MTMR3: variants seen among roughly 807,000 people sequenced by gnomAD.
MTMR3 encodes myotubularin related protein 3, also known as phosphatidylinositol-3,5-bisphosphate 3-phosphatase MTMR3.
In MTMR3, 32 loss-of-function variants were observed where a neutral mutation model predicts 132.4. The ratio of observed to expected loss-of-function variants is 0.24; its 90% CI spans 0.18 to 0.32. MTMR3 has a LOEUF of 0.32. Ranked by LOEUF, MTMR3 falls within the 10% of genes least tolerant of loss-of-function variation. The pLI is 1.00. For synonymous variants in MTMR3, 556 were observed against 550.3 expected (o/e 1.01, Z -0.14); for missense variants, 1,216 against 1,489.6 (o/e 0.82, Z 3.02).
chr22:29,940,443 C>T (rs961753755), intron 1 of MTMR3, among the ~76,000 whole-genome samples: 2 of 147,064 alleles, frequency 1.4e-5, no homozygotes, highest in Admixed American at 6.6e-5. Context: ...AGCCCGCCTG[C>T]ACCCAGGTGA....
chr22:30,019,233 C>T (rs2067684718), intron 16 of MTMR3: 3 of 412,742 alleles, frequency 7.3e-6, no homozygotes, highest in South Asian at 1.0e-4. Flanking sequence ...ATAGCACTTG[C>T]TGTTAGCTCA....
At chr22:30,016,820 T>C in intron 15 of MTMR3, 122 bp downstream of exon 15, 1 of 1,172,916 alleles carries the variant, frequency 8.5e-7, no homozygotes, top group Admixed American at 2.4e-5. Context: ...CTGGATGGAC[T>C]GGTTCCATTT....
intron 2 of MTMR3, among the ~76,000 whole-genome samples, chr22:29,963,200 A>G (rs2066348031): frequency 6.6e-6 from 1 of 151,808 alleles, no homozygotes; most frequent in Non-Finnish European, 1.5e-5. Flanking sequence ...ACCTCCCTGG[A>G]CTTCCCAAAG....
At chr22:30,021,837 C>T (rs185957560) in intron 17 of MTMR3, 192 bp from the exon 18 acceptor site, 10 of 593,058 alleles carry the variant, frequency 1.7e-5, no homozygotes, top group South Asian at 1.6e-4. Flanking sequence ...CTGTGTATCC[C>T]TCTCCCAGCT....
At chr22:29,883,513 G>C (rs1341685212) in intron 1 of MTMR3, among the ~76,000 whole-genome samples, 154 bp downstream of exon 1, 1 of 152,134 alleles carries the variant, frequency 6.6e-6, no homozygotes, top group African/African-American at 2.4e-5. Context: ...GCCCGGGGAG[G>C]GGCGTCCCCG....
At chr22:29,919,330 G>A (rs139159138) in intron 1 of MTMR3, among the ~76,000 whole-genome samples, 4 of 152,000 alleles carry the variant, frequency 2.6e-5, no homozygotes, top group African/African-American at 9.7e-5. Flanking sequence ...GTCTTACCAT[G>A]GATTTCTCAC....
chr22:29,985,907 G>T (rs1421629833), intron 5 of MTMR3: 2 of 152,174 alleles, frequency 1.3e-5, no homozygotes, highest in East Asian at 3.8e-4. Flanking sequence ...TTTGGGCACG[G>T]GCCATTGGGC....
intron 8 of MTMR3, chr22:30,000,485 A>T (rs5752995): frequency 0.38 from 55,177 of 146,062 alleles, 10,319 homozygotes; most frequent in South Asian, 0.58. Flanking sequence ...ATAAAAAAAA[A>T]AAATATATAT....
At chr22:29,906,278 GTCTGTCTGTCTA>G (rs1181537348) in intron 1 of MTMR3, among the ~76,000 whole-genome samples, 10,689 of 66,988 alleles carry the variant, frequency 0.16, 413 homozygotes, top group South Asian at 0.2. Context: ...CTGTCTGTCT[GTCTGTCTGTCTA>G]TCTATCTATC....
rs887823551 is a variant in MTMR3 at position 29,976,945 on chromosome 22, ATAATTCT to A, written c.4-1492_4-1486del. 3.3e-5 allele frequency among the ~76,000 whole-genome samples: 5 copies of A among 152,330 alleles called. No individual in the cohort carries two copies. The South Asian group carries it at 1.0e-3, about 32-fold the overall frequency. On this transcript the variant is annotated intron_variant, in intron 3 of 19. Coordinates refer to ENST00000401950, the MANE Select transcript of MTMR3 (RefSeq NM_021090.4). ...CAGAAGCAACCAGTAACCACTGGTTATAATTCTTAATGCTGTCAGTTGAACATGATGT... is the reference window on the plus strand; with the variant it reads ...CAGAAGCAACCAGTAACCACTGGTTATAATGCTGTCAGTTGAACATGATGT...
intron 1 of MTMR3, among the ~76,000 whole-genome samples, chr22:29,907,739 CCT>C (rs2145739808): frequency 6.6e-6 from 1 of 152,244 alleles, no homozygotes; most frequent in Admixed American, 6.5e-5. Flanking sequence ...TTATTCATTC[CCT>C]CTCTTACTAA....
chr22:29,986,428 A>G lies in MTMR3; in HGVS notation c.211-2052A>G, dbSNP rs116274225. 744 of 397,738 alleles carry G rather than the reference A, an allele frequency of 1.9e-3. 6 individuals are homozygous for G. Among genetic ancestry groups the G allele is most frequent in the African/African-American group, 0.015 (699 of 45,892 alleles). The allele number at this position is 397,738 out of a possible 1,614,324, so 24.6% of individuals were successfully genotyped here. On this transcript the variant is annotated intron_variant, in intron 5 of 19. Transcript: ENST00000401950. Reference sequence around the variant, plus strand: ...ACTGGCCTGAGAACAAAGCAAAGTTATCTTCTAATCTGTCTTCTTAATCTC... The same window carrying G: ...ACTGGCCTGAGAACAAAGCAAAGTTGTCTTCTAATCTGTCTTCTTAATCTC...
Position 30,017,787 on chromosome 22 carries a change from C to T in MTMR3, c.1675-140C>T. 3 of 1,018,372 alleles carry T rather than the reference C, an allele frequency of 2.9e-6. No homozygotes were observed. In the South Asian group the frequency reaches 4.3e-5, roughly 15 times the overall value. The allele number at this position is 1,018,372 out of a possible 1,614,324, so 63.1% of individuals were successfully genotyped here. A position where few individuals can be genotyped will look rare whatever the true frequency, so the allele number is the denominator to read the frequency against. The stretch of plus-strand genomic sequence containing the variant: ...TGGTCCTCTTGGGATAGACCTGTAT[C>T]CATTGGTGCTGCTTCTTTGTGGAGA... On this transcript the variant is annotated intron_variant, in intron 15 of 19. Transcript: ENST00000401950.
intron 5 of MTMR3, 51 bp from the exon 6 acceptor site, chr22:29,988,429 C>T (rs774118557): frequency 1.0e-5 from 14 of 1,404,000 alleles, no homozygotes; most frequent in Non-Finnish European, 1.2e-5. Context: ...TGAAGAACTC[C>T]AGGGTCAATG....
intron 2 of MTMR3, among the ~76,000 whole-genome samples, chr22:29,957,456 TATTG>T (rs1329539972): frequency 7.5e-6 from 1 of 134,042 alleles, no homozygotes; most frequent in Non-Finnish European, 1.7e-5. Context: ...TTTATTTATT[TATTG>T]ATATATTTTT....
chr22:29,995,901 T>TG (rs1195372577), intron 7 of MTMR3: 1 of 152,204 alleles, frequency 6.6e-6, no homozygotes, highest in Admixed American at 6.5e-5. Flanking sequence ...GATCCAGTAG[T>TG]GGGTCATGAA....
At chr22:29,982,427 A>G (rs1166297452) in intron 5 of MTMR3, 1 of 151,976 alleles carries the variant, frequency 6.6e-6, no homozygotes, top group African/African-American at 2.4e-5. Flanking sequence ...TCCTTCCCTT[A>G]GCAAATAAGT....
intron 15 of MTMR3, 33 bp downstream of exon 15, chr22:30,016,731 G>C: frequency 6.3e-7 from 1 of 1,581,762 alleles, no homozygotes; most frequent in Non-Finnish European, 8.6e-7. Flanking sequence ...ACTGTGGTCA[G>C]CAGAAGGAAT....
At chr22:30,013,745 C>T in intron 14 of MTMR3, 1 of 477,330 alleles carries the variant, frequency 2.1e-6, no homozygotes, top group Non-Finnish European at 3.6e-6. Flanking sequence ...GCATGAAGTC[C>T]TTGTGTTGTT....
Sources: gnomAD v4.1 joint callset for allele counts (sites outside exome capture counted in the v4.1 genomes callset) on GRCh38, gnomAD v4.1.1 for gene constraint, MANE v1.5 for transcripts, NCBI Gene and HGNC (gene_info 2026-07-23, HGNC 2026-07-21) for gene names.